ZRANB3: variants seen among roughly 807,000 people sequenced by gnomAD.
The protein encoded by ZRANB3 is zinc finger RANBP2-type containing 3.
ZRANB3 carries 125 observed loss-of-function variants against 133.8 expected under a neutral mutation model. The ratio of observed to expected loss-of-function variants is 0.93; its 90% CI spans 0.81 to 1.08. The LOEUF (loss-of-function observed/expected upper bound fraction) is 1.08. ZRANB3 is among the 50% of genes least tolerant of loss of function. ZRANB3 has a pLI of 0.00. For synonymous variants in ZRANB3, 387 were observed against 432.7 expected (o/e 0.89, Z 1.31); for missense variants, 1,229 against 1,275.5 (o/e 0.96, Z 0.56).
chr2:135,207,563 A>G lies in ZRANB3; in HGVS notation c.2880T>C (p.Thr960=). The change falls in exon 19 of 21, where the codon ACT becomes ACC. Residue 960 remains threonine, a synonymous_variant. Coordinates refer to ENST00000264159, the MANE Select transcript of ZRANB3 (RefSeq NM_032143.4). The stretch of plus-strand genomic sequence containing the variant: ...TACAGAGCTGACACACACCATGTTC[A>G]GTTTCAAATACTTTGGCTCTCAGGT... ...NSYLRAKVFE[T]EHGVCQLCNV... 2 of 1,614,050 alleles carry G rather than the reference A, an allele frequency of 1.2e-6. No individual in the cohort carries two copies. Among genetic ancestry groups the G allele is most frequent in the South Asian group, 1.1e-5 (1 of 91,080 alleles).
intron 12 of ZRANB3, among the ~76,000 whole-genome samples, chr2:135,240,482 T>A (rs1695505127): frequency 6.6e-6 from 1 of 152,234 alleles, no homozygotes; most frequent in Non-Finnish European, 1.5e-5. Context: ...CCATACTGTT[T>A]TTCTGATAGA....
In ZRANB3 at chr2:135,217,568, T is replaced by A. The variant is rs768951318; in HGVS notation, c.2392A>T (p.Met798Leu). ...FVREWSSLTAMKQRIIRKSGQ... is the reference protein window; with the variant it reads ...FVREWSSLTALKQRIIRKSGQ... Reference sequence around the variant, plus strand: ...CTTTTCCTGATTATCCTTTGCTTCATGGCAGTTAGACTACTCCATTCTCGA... The same window carrying A: ...CTTTTCCTGATTATCCTTTGCTTCAAGGCAGTTAGACTACTCCATTCTCGA... Residue 798 changes from methionine to leucine, a missense_variant, in exon 17 of 21, where the codon ATG (methionine) becomes TTG (leucine). Physicochemically the swap from Met to Leu is conservative, Grantham distance 15. Transcript: ENST00000264159. 8.7e-6 allele frequency: 14 copies of A among 1,613,728 alleles called. No individual in the cohort carries two copies. In the Middle Eastern group the frequency reaches 4.9e-4, roughly 57 times the overall value.
intron 2 of ZRANB3, among the ~76,000 whole-genome samples, chr2:135,398,633 C>T (rs1024198319): frequency 6.7e-6 from 1 of 150,296 alleles, no homozygotes; most frequent in Non-Finnish European, 1.5e-5. Flanking sequence ...ATTCTCCTGC[C>T]TCAGCCTCCG....
rs1028341014 is a variant in ZRANB3 at position 135,438,252 on chromosome 2, C to T, written c.162-47432G>A. 4.6e-5 allele frequency among the ~76,000 whole-genome samples: 7 copies of T among 152,092 alleles called. 1 individual carries two copies. The highest frequency in any genetic ancestry group is 4.6e-4 in the Admixed American group (7 of 15,256). On this transcript the variant is annotated intron_variant, in intron 2 of 20. Coordinates refer to ENST00000264159, the MANE Select transcript of ZRANB3 (RefSeq NM_032143.4). ...GGAAAGCAATATTTTCATGTCTATA[C>T]ATTTTTTATTGGGAGGCTGAGGCGG...
chr2:135,490,145 A>G (rs765584175), intron 2 of ZRANB3, among the ~76,000 whole-genome samples: 13 of 152,348 alleles, frequency 8.5e-5, no homozygotes, highest in Non-Finnish European at 1.3e-4. Flanking sequence ...ACTGCCTACA[A>G]AATCAGCCAG....
At chr2:135,208,632 G>A (rs1313968298) in intron 18 of ZRANB3, among the ~76,000 whole-genome samples, 2 of 152,138 alleles carry the variant, frequency 1.3e-5, no homozygotes, top group Non-Finnish European at 2.9e-5. Context: ...GCAAGCCCTG[G>A]GGCAGGTTAC....
At chr2:135,402,428 G>T (rs1469992922) in intron 2 of ZRANB3, among the ~76,000 whole-genome samples, 1 of 151,662 alleles carries the variant, frequency 6.6e-6, no homozygotes, top group Non-Finnish European at 1.5e-5. Context: ...CCGAGTAGCT[G>T]GGACTACAGG....
At chr2:135,517,798 G>T (rs1693762007) in intron 1 of ZRANB3, among the ~76,000 whole-genome samples, 1 of 152,222 alleles carries the variant, frequency 6.6e-6, no homozygotes, top group Admixed American at 6.5e-5. Context: ...TGTGCTGGGA[G>T]ATATGCTGCT....
intron 17 of ZRANB3, among the ~76,000 whole-genome samples, chr2:135,216,047 A>G (rs1436117943): frequency 6.6e-6 from 1 of 152,088 alleles, no homozygotes; most frequent in Admixed American, 6.5e-5. Context: ...TATGTCAGTA[A>G]TAGCAAGTTG....
At chr2:135,415,443 C>G (rs186930579) in intron 2 of ZRANB3, among the ~76,000 whole-genome samples, 3 of 151,904 alleles carry the variant, frequency 2.0e-5, no homozygotes, top group Non-Finnish European at 2.9e-5. Flanking sequence ...AATAACAAGA[C>G]CTGAAATTGT....
intron 12 of ZRANB3, among the ~76,000 whole-genome samples, chr2:135,241,943 G>A (rs907827069): frequency 2.6e-5 from 4 of 152,260 alleles, no homozygotes; most frequent in South Asian, 4.1e-4. Context: ...ACTTTGGGAA[G>A]GTGAGGTGGG....
chr2:135,319,576 T>C (rs1683422002), intron 6 of ZRANB3, among the ~76,000 whole-genome samples: 1 of 152,226 alleles, frequency 6.6e-6, no homozygotes. Context: ...ATATAAGCTA[T>C]AAGAATTGAA....
rs1350401235 is a variant in ZRANB3 at position 135,198,567 on chromosome 2, T to C, written c.*1775A>G. 1 of 152,250 alleles carries C rather than the reference T, an allele frequency of 6.6e-6. No homozygotes were observed. Among genetic ancestry groups the C allele is most frequent in the Non-Finnish European group, 1.5e-5 (1 of 68,044 alleles). 9.4% of individuals were successfully genotyped at this position (152,250 alleles called of 1,614,324 possible). A position where few individuals can be genotyped will look rare whatever the true frequency, so the allele number is the denominator to read the frequency against. ...CATCTGAGAACTTTCTCCTTAGAAT[T>C]ATCACCTTAGTGTGATCTGAAGAGC... is the stretch of plus-strand genomic sequence containing the variant. On this transcript the variant is annotated 3_prime_UTR_variant, in exon 21 of 21. Coordinates refer to ENST00000264159, the MANE Select transcript of ZRANB3 (RefSeq NM_032143.4).
At position 135,272,133 on chromosome 2, in the gene ZRANB3, C is replaced by T. The variant is rs985478403; in HGVS notation, c.1087-246G>A. 3.9e-5 allele frequency among the ~76,000 whole-genome samples: 6 copies of T among 151,994 alleles called. No individual in the cohort carries two copies. In the East Asian group the frequency reaches 1.2e-3, roughly 29 times the overall value. ...AGTCTATGTCTAATTCATCTTTATC[C>T]CATCAATGCCAAGGGCAATGCCTTG... On this transcript the variant is annotated intron_variant, in intron 9 of 20. Coordinates refer to ENST00000264159, the MANE Select transcript of ZRANB3 (RefSeq NM_032143.4).
At chr2:135,291,916 G>A (rs1417456294) in intron 8 of ZRANB3, among the ~76,000 whole-genome samples, 2 of 152,116 alleles carry the variant, frequency 1.3e-5, no homozygotes, top group African/African-American at 4.8e-5. Context: ...CCCTACAAAG[G>A]ACATGAACTC....
At chr2:135,314,331 CAT>C (rs1303024467) in intron 7 of ZRANB3, among the ~76,000 whole-genome samples, 5 of 152,100 alleles carry the variant, frequency 3.3e-5, no homozygotes, top group African/African-American at 9.7e-5. Flanking sequence ...CAAATATAAT[CAT>C]ATGTTGATTC....
At chr2:135,504,236 G>A in intron 2 of ZRANB3, 93 bp downstream of exon 2, 4 of 1,444,642 alleles carry the variant, frequency 2.8e-6, no homozygotes, top group Non-Finnish European at 3.9e-6. Flanking sequence ...AAGAAAGACT[G>A]TGAATACACG....
intron 2 of ZRANB3, among the ~76,000 whole-genome samples, chr2:135,395,977 AAAT>A: frequency 6.6e-6 from 1 of 152,216 alleles, no homozygotes; most frequent in East Asian, 1.9e-4. Flanking sequence ...TTCAGGAAAA[AAAT>A]CTAATAATCC....
At chr2:135,374,909 C>A (rs1316185039) in intron 3 of ZRANB3, among the ~76,000 whole-genome samples, 1 of 152,134 alleles carries the variant, frequency 6.6e-6, no homozygotes, top group Non-Finnish European at 1.5e-5. Flanking sequence ...TGAACAGAGA[C>A]CTCACCTAAG....
Sources: gnomAD v4.1 joint callset for allele counts (sites outside exome capture counted in the v4.1 genomes callset) on GRCh38, gnomAD v4.1.1 for gene constraint, MANE v1.5 for transcripts, NCBI Gene and HGNC (gene_info 2026-07-23, HGNC 2026-07-21) for gene names.